NR3C1: variants seen among roughly 807,000 people sequenced by gnomAD.
NR3C1 encodes glucocorticoid receptor.
A neutral mutation model predicts 74.0 loss-of-function variants in NR3C1; 14 were observed. That is an observed-to-expected ratio of 0.19 (90% confidence interval 0.12 to 0.30). The LOEUF (loss-of-function observed/expected upper bound fraction) is 0.30, where lower values mean the gene tolerates loss of function less well. Ranked by LOEUF, NR3C1 falls within the 10% of genes least tolerant of loss-of-function variation. The probability of loss-of-function intolerance (pLI) is 1.00; values close to 1 mark genes in which losing one functional copy is unlikely to be tolerated. For missense variants in NR3C1, 695 were observed against 909.8 expected (o/e 0.76, Z 3.04); for synonymous variants, 308 against 332.5 (o/e 0.93, Z 0.80).
chr5:143,397,940 G>T lies in NR3C1; in HGVS notation c.1184+1716C>A, dbSNP rs532805481. 1.5e-4 allele frequency among the ~76,000 whole-genome samples: 23 copies of T among 151,914 alleles called. No individual in the cohort carries two copies. In the South Asian group the frequency reaches 2.5e-3, roughly 16 times the overall value. ...TTTTGTCCCTTGCCTTTTCTTTATAGTAAGGAAAATGAAAACCATGCCATG... is the reference window on the plus strand; with the variant it reads ...TTTTGTCCCTTGCCTTTTCTTTATATTAAGGAAAATGAAAACCATGCCATG... On this transcript the variant is annotated intron_variant, in intron 2 of 8. Transcript: ENST00000394464.
intron 2 of NR3C1, among the ~76,000 whole-genome samples, chr5:143,364,531 C>G (rs528390260): frequency 3.3e-5 from 5 of 152,224 alleles, no homozygotes; most frequent in Admixed American, 6.5e-5. Flanking sequence ...TTCTCCGTAT[C>G]GGATTCTAAA....
At chr5:143,282,777 C>CTT (rs371512572) in intron 7 of NR3C1, 52 bp from the exon 8 acceptor site, 4,135 of 1,311,718 alleles carry the variant, frequency 3.2e-3, no homozygotes, top group Middle Eastern at 3.4e-3. Context: ...CTTTTCTTTT[C>CTT]TTTTTTTTTT....
At chr5:143,287,266 C>T (rs543570752) in intron 7 of NR3C1, among the ~76,000 whole-genome samples, 7 of 151,864 alleles carry the variant, frequency 4.6e-5, no homozygotes, top group Non-Finnish European at 8.8e-5. Flanking sequence ...TTTGTAAAGA[C>T]CAACAAAATT....
intron 2 of NR3C1, among the ~76,000 whole-genome samples, chr5:143,397,921 C>G (rs985075086): frequency 6.6e-6 from 1 of 151,798 alleles, no homozygotes; most frequent in Non-Finnish European, 1.5e-5. Flanking sequence ...TAAGTTTTGT[C>G]CCTTGCCTTT....
chr5:143,339,673 C>A (rs1366089294), intron 2 of NR3C1, among the ~76,000 whole-genome samples: 1 of 152,220 alleles, frequency 6.6e-6, no homozygotes, highest in Non-Finnish European at 1.5e-5. Context: ...GCTAGAAGCT[C>A]TCCCCTTCCT....
rs1390996480 is a variant in NR3C1, at chr5:143,280,393, A to C, written c.*1496T>G. On this transcript the variant is annotated 3_prime_UTR_variant, in exon 9 of 9. Transcript: ENST00000394464. Reference sequence around the variant, plus strand: ...AATATATTAGAAGTTCCATATTTTTAATATTAGATTTTCAGTTTTCTATTA... The same window carrying C: ...AATATATTAGAAGTTCCATATTTTTCATATTAGATTTTCAGTTTTCTATTA... The C allele has an allele frequency of 6.6e-6, 1 of 152,620 alleles. No individual in the cohort carries two copies. The highest frequency in any genetic ancestry group is 1.5e-5 in the Non-Finnish European group (1 of 68,036). 9.5% of individuals were successfully genotyped at this position (152,620 alleles called of 1,614,324 possible). A position where few individuals can be genotyped will look rare whatever the true frequency, so the allele number is the denominator to read the frequency against.
intron 1 of NR3C1, among the ~76,000 whole-genome samples, chr5:143,419,475 T>C (rs991141784): frequency 2.3e-4 from 35 of 152,174 alleles, no homozygotes; most frequent in African/African-American, 8.4e-4. Context: ...CTATTTTCCC[T>C]AAGCGTCAGC....
chr5:143,295,877 T>C (rs1336079111), intron 6 of NR3C1, among the ~76,000 whole-genome samples: 1 of 152,218 alleles, frequency 6.6e-6, no homozygotes, highest in African/African-American at 2.4e-5. Context: ...AGTGTTAGAA[T>C]TCTTATAGAA....
At chr5:143,361,499 T>G (rs905772808) in intron 2 of NR3C1, among the ~76,000 whole-genome samples, 8 of 152,238 alleles carry the variant, frequency 5.3e-5, no homozygotes, top group African/African-American at 1.9e-4. Flanking sequence ...ATAAGATGTG[T>G]AATGCAAGCC....
At chr5:143,332,312 G>GT (rs1157019698) in intron 2 of NR3C1, among the ~76,000 whole-genome samples, 523 of 111,502 alleles carry the variant, frequency 4.7e-3, no homozygotes, top group Middle Eastern at 8.8e-3. Context: ...CACTTTGAGT[G>GT]TTTTTTTTTT....
chr5:143,297,075 CA>C (rs766243522), intron 6 of NR3C1, among the ~76,000 whole-genome samples: 3,552 of 60,644 alleles, frequency 0.059, 39 homozygotes, highest in African/African-American at 0.14. Flanking sequence ...AGACTCGTCT[CA>C]AAAAAAAAAA....
chr5:143,377,936 T>C (rs1835506719), intron 2 of NR3C1, among the ~76,000 whole-genome samples: 1 of 152,184 alleles, frequency 6.6e-6, no homozygotes, highest in Non-Finnish European at 1.5e-5. Flanking sequence ...GATTTATGGT[T>C]GAAAGTAGTC....
chr5:143,366,382 C>T (rs906281340), intron 2 of NR3C1, among the ~76,000 whole-genome samples: 3 of 151,754 alleles, frequency 2.0e-5, no homozygotes, highest in Non-Finnish European at 4.4e-5. Context: ...TGGTGGTGGG[C>T]GCTTGTAATC....
chr5:143,324,386 G>A (rs1304197195), intron 2 of NR3C1, among the ~76,000 whole-genome samples: 4 of 152,248 alleles, frequency 2.6e-5, no homozygotes, highest in African/African-American at 9.6e-5. Flanking sequence ...TCCACCCTCT[G>A]AAGTCACAGC....
At chr5:143,353,460 T>C (rs908492322) in intron 2 of NR3C1, among the ~76,000 whole-genome samples, 7 of 152,178 alleles carry the variant, frequency 4.6e-5, no homozygotes, top group African/African-American at 1.7e-4. Flanking sequence ...ATAGCAGCTA[T>C]AGCCTTACAA....
chr5:143,360,388 C>CT, intron 2 of NR3C1, among the ~76,000 whole-genome samples: 1 of 152,174 alleles, frequency 6.6e-6, no homozygotes, highest in South Asian at 2.1e-4. Context: ...AAATGACTGC[C>CT]TTTTTTTAGA....
intron 1 of NR3C1, among the ~76,000 whole-genome samples, chr5:143,420,707 C>G (rs1176468339): frequency 2.6e-5 from 4 of 152,068 alleles, no homozygotes; most frequent in Admixed American, 2.6e-4. Context: ...CACAGCCCCC[C>G]ACAACAAAGA....
At chr5:143,416,080 C>T (rs2151957385) in intron 1 of NR3C1, among the ~76,000 whole-genome samples, 1 of 152,276 alleles carries the variant, frequency 6.6e-6, no homozygotes, top group South Asian at 2.1e-4. Context: ...TACCATAATG[C>T]TTGATGGCTG....
chr5:143,422,612 A>G (rs1365770146), intron 1 of NR3C1, among the ~76,000 whole-genome samples: 1 of 152,092 alleles, frequency 6.6e-6, no homozygotes, highest in East Asian at 1.9e-4. Context: ...ACCCCTTCCC[A>G]CCATGTGAGG....
Sources: allele counts gnomAD v4.1 joint callset (sites outside exome capture counted in the v4.1 genomes callset), GRCh38; gene constraint gnomAD v4.1.1; transcripts MANE v1.5; gene names NCBI Gene and HGNC (gene_info 2026-07-23, HGNC 2026-07-21).